VAV3: variants seen among roughly 807,000 people sequenced by gnomAD.
VAV3 encodes the protein vav guanine nucleotide exchange factor 3, also known as guanine nucleotide exchange factor VAV3.
In VAV3, 94 loss-of-function variants were observed where a neutral mutation model predicts 131.2. The observed-to-expected ratio is 0.72, with a 90% confidence interval of 0.61 to 0.85. The LOEUF (loss-of-function observed/expected upper bound fraction) is 0.85. Among genes scored for constraint, VAV3 ranks in the 40% least tolerant of loss-of-function variants. VAV3 has a pLI of 0.00. For missense variants in VAV3, 939 were observed against 1,002.7 expected (o/e 0.94, Z 0.86); for synonymous variants, 349 against 342.0 (o/e 1.02, Z -0.22).
At chr1:107,647,315 T>C (rs1169512156) in intron 19 of VAV3, among the ~76,000 whole-genome samples, 1 of 151,372 alleles carries the variant, frequency 6.6e-6, no homozygotes, top group Non-Finnish European at 1.5e-5. Flanking sequence ...TAAAAAATAA[T>C]TAGTTTTACA....
chr1:107,714,555 A>G (rs918410876), intron 15 of VAV3, among the ~76,000 whole-genome samples: 2 of 152,136 alleles, frequency 1.3e-5, no homozygotes, highest in African/African-American at 4.8e-5. Flanking sequence ...AATATCTTAT[A>G]TTGTGAAATT....
intron 4 of VAV3, among the ~76,000 whole-genome samples, chr1:107,773,382 T>A: frequency 6.6e-6 from 1 of 152,180 alleles, no homozygotes; most frequent in South Asian, 2.1e-4. Flanking sequence ...TTAAATTGTA[T>A]CTAATATGTC....
chr1:107,598,098 A>G (rs989938193), intron 24 of VAV3, among the ~76,000 whole-genome samples: 1 of 152,160 alleles, frequency 6.6e-6, no homozygotes, highest in Non-Finnish European at 1.5e-5. Context: ...TCATGCCTGT[A>G]ATCCCAGCAC....
intron 15 of VAV3, among the ~76,000 whole-genome samples, chr1:107,717,153 A>C (rs6662886): frequency 6.6e-6 from 1 of 151,812 alleles, no homozygotes; most frequent in Admixed American, 6.6e-5. Flanking sequence ...TCTTGCTAGC[A>C]GTCTATCTAT....
intron 1 of VAV3, among the ~76,000 whole-genome samples, chr1:107,885,824 T>C (rs1671006700): frequency 6.6e-6 from 1 of 152,100 alleles, no homozygotes; most frequent in Non-Finnish European, 1.5e-5. Flanking sequence ...TTAACAACCA[T>C]AATATTCTGT....
At chr1:107,907,346 T>G (rs545100847) in intron 1 of VAV3, among the ~76,000 whole-genome samples, 1 of 152,232 alleles carries the variant, frequency 6.6e-6, no homozygotes, top group East Asian at 1.9e-4. Flanking sequence ...AAAGAGCCAT[T>G]CAAAAAGATG....
rs1266548486 is a variant in VAV3 at position 107,917,357 on chromosome 1, C to A, written c.205-42340G>T. On this transcript the variant is annotated intron_variant, in intron 1 of 26. Coordinates refer to ENST00000370056, the MANE Select transcript of VAV3 (RefSeq NM_006113.5). The stretch of plus-strand genomic sequence containing the variant: ...CTAAGCACTTTCATGGACATTCTGA[C>A]ACAATCCTCAAAACAAGTCCAAGAA... 2.6e-5 allele frequency among the ~76,000 whole-genome samples: 4 copies of A among 152,232 alleles called. No individual in the cohort carries two copies. The South Asian group carries it at 8.3e-4, about 32-fold the overall frequency.
chr1:107,636,480 C>A (rs1198977244), intron 20 of VAV3, among the ~76,000 whole-genome samples: 1 of 152,114 alleles, frequency 6.6e-6, no homozygotes, highest in East Asian at 1.9e-4. Flanking sequence ...TATCATAAGT[C>A]AAAAATGCAT....
At chr1:107,587,819 TAACCTCA>T (rs1650622506) in intron 25 of VAV3, among the ~76,000 whole-genome samples, 1 of 152,164 alleles carries the variant, frequency 6.6e-6, no homozygotes, top group Non-Finnish European at 1.5e-5. Flanking sequence ...TTCAAACTCC[TAACCTCA>T]AATGATCCAC....
At chr1:107,917,766 T>G (rs1326846919) in intron 1 of VAV3, among the ~76,000 whole-genome samples, 2 of 152,188 alleles carry the variant, frequency 1.3e-5, no homozygotes, top group Non-Finnish European at 1.5e-5. Context: ...TGAATTTTTT[T>G]TTTCAATTTT....
chr1:107,905,008 C>G (rs72983447), intron 1 of VAV3, among the ~76,000 whole-genome samples: 4,603 of 152,198 alleles, frequency 0.03, 232 homozygotes, highest in African/African-American at 0.11. Context: ...GATAGAAGAA[C>G]AACCCAGTGC....
At chr1:107,748,285 T>A (rs888643259) in intron 15 of VAV3, among the ~76,000 whole-genome samples, 2 of 152,020 alleles carry the variant, frequency 1.3e-5, no homozygotes, top group Non-Finnish European at 2.9e-5. Context: ...ACAAAAAGGG[T>A]CATTGTGTAC....
rs1553201322 is a variant in VAV3, at chr1:107,753,549, T to TACACACACACAC, written c.1173+1866_1173+1877dup. Among the ~76,000 whole-genome samples, 87 of 82,006 alleles carry TACACACACACAC rather than the reference T, an allele frequency of 1.1e-3. 3 individuals are homozygous for TACACACACACAC. The highest frequency in any genetic ancestry group is 5.8e-3 in the Middle Eastern group (1 of 172). 53.8% of individuals were successfully genotyped at this position (82,006 alleles called of 152,430 possible). On this transcript the variant is annotated intron_variant, in intron 12 of 26. Transcript: ENST00000370056. ...ATACGTATATATATATATATATATA[T>TACACACACACAC]ACACACACACACTTTTTTTTTTGAG...
intron 19 of VAV3, among the ~76,000 whole-genome samples, chr1:107,663,292 C>A (rs1657164572): frequency 6.6e-6 from 1 of 152,012 alleles, no homozygotes; most frequent in African/African-American, 2.4e-5. Context: ...AAATCTGGGT[C>A]ATTAAAATAA....
intron 2 of VAV3, among the ~76,000 whole-genome samples, chr1:107,823,103 G>A (rs745407834): frequency 2.1e-4 from 32 of 152,106 alleles, no homozygotes; most frequent in Non-Finnish European, 3.1e-4. Context: ...CTATCCAATC[G>A]ATGAGAAAGC....
At chr1:107,652,893 C>T (rs12072314) in intron 19 of VAV3, among the ~76,000 whole-genome samples, 7 of 152,054 alleles carry the variant, frequency 4.6e-5, no homozygotes, top group African/African-American at 1.7e-4. Flanking sequence ...AAGGTTCTTA[C>T]TAAGGCCCTC....
At chr1:107,946,724 C>T (rs1350142511) in intron 1 of VAV3, among the ~76,000 whole-genome samples, 1 of 152,200 alleles carries the variant, frequency 6.6e-6, no homozygotes, top group Non-Finnish European at 1.5e-5. Context: ...CAACTACATG[C>T]TATTCCATTA....
intron 25 of VAV3, among the ~76,000 whole-genome samples, chr1:107,581,347 C>T (rs1159987341): frequency 6.6e-6 from 1 of 152,204 alleles, no homozygotes; most frequent in Admixed American, 6.5e-5. Context: ...CTCAACTGAG[C>T]TAACATACAT....
At chr1:107,717,107 A>G (rs1661148390) in intron 15 of VAV3, among the ~76,000 whole-genome samples, 1 of 151,810 alleles carries the variant, frequency 6.6e-6, no homozygotes, top group African/African-American at 2.4e-5. Flanking sequence ...TTTTTATTGC[A>G]TCTATTTGAT....
Sources: allele counts gnomAD v4.1 joint callset (sites outside exome capture counted in the v4.1 genomes callset), GRCh38; gene constraint gnomAD v4.1.1; transcripts MANE v1.5; gene names NCBI Gene and HGNC (gene_info 2026-07-23, HGNC 2026-07-21).